Variants in CNGA3 observed in about 807,000 individuals in gnomAD.
CNGA3 encodes cyclic nucleotide-gated channel alpha-3.
A neutral mutation model predicts 46.6 loss-of-function variants in CNGA3; 42 were observed. The observed-to-expected ratio is 0.90, with a 90% CI of 0.70 to 1.17. The LOEUF (loss-of-function observed/expected upper bound fraction) is 1.17, where lower values mean the gene tolerates loss of function less well. Ranked by LOEUF, CNGA3 falls within the 50% of genes most tolerant of loss-of-function variation. The pLI is 0.00. For missense variants in CNGA3, 893 were observed against 890.7 expected, an observed-to-expected ratio of 1.00 and a Z score of -0.03; for synonymous variants, 394 against 369.4, an observed-to-expected ratio of 1.07 and a Z score of -0.76.
Position 98,396,284 on chromosome 2 carries a change from C to T in CNGA3, c.1114C>T (p.Pro372Ser), listed in dbSNP as rs1464167194. 11 of 1,610,996 alleles carry T rather than the reference C, an allele frequency of 6.8e-6. No individual in the cohort carries two copies. Among genetic ancestry groups the T allele is most frequent in the Admixed American group, 3.3e-5 (2 of 59,826 alleles). Residue 372 changes from proline to serine, a missense_variant, in exon 8 of 8, where the codon CCC becomes TCC. Transcript: ENST00000272602. ...TLTTIGETPP[P>S]VKDEEYLFVV... ...TACCACCATTGGTGAGACCCCACCC[C>T]CCGTGAAAGATGAGGAGTATCTCTT...
intron 1 of CNGA3, among the ~76,000 whole-genome samples, chr2:98,359,567 G>T (rs1182783674): frequency 1.3e-5 from 2 of 152,206 alleles, no homozygotes; most frequent in African/African-American, 4.8e-5. Context: ...GGTTCAAACC[G>T]AGAGTACTCA....
chr2:98,367,191 T>C (rs1285147407), intron 1 of CNGA3, among the ~76,000 whole-genome samples: 4 of 143,764 alleles, frequency 2.8e-5, no homozygotes, highest in South Asian at 2.2e-4. Flanking sequence ...TTTTCTTTTT[T>C]TTTTTTTTTT....
chr2:98,383,518 T>C, intron 5 of CNGA3, 77 bp downstream of exon 5: 1 of 1,378,168 alleles, frequency 7.3e-7, no homozygotes, highest in Non-Finnish European at 1.0e-6. Flanking sequence ...GCTTGGCCTC[T>C]CTCCTTAGTG....
intron 2 of CNGA3, among the ~76,000 whole-genome samples, chr2:98,375,352 G>C (rs1453035496): frequency 6.6e-6 from 1 of 152,190 alleles, no homozygotes; most frequent in African/African-American, 2.4e-5. Context: ...TCCATCCTTG[G>C]GATTGCCTCC....
intron 5 of CNGA3, among the ~76,000 whole-genome samples, chr2:98,389,427 C>T (rs1033492923): frequency 1.3e-5 from 2 of 152,168 alleles, no homozygotes; most frequent in Admixed American, 6.5e-5. Context: ...TATAGTCGAC[C>T]GTGACCTCCT....
chr2:98,381,644 G>A (rs568404987), intron 4 of CNGA3, among the ~76,000 whole-genome samples: 10 of 152,234 alleles, frequency 6.6e-5, no homozygotes, highest in East Asian at 3.9e-4. Context: ...TAGGAGACCC[G>A]GGGAAAGGTG....
chr2:98,368,124 C>T (rs1443900060), intron 1 of CNGA3, among the ~76,000 whole-genome samples: 1 of 152,168 alleles, frequency 6.6e-6, no homozygotes, highest in Non-Finnish European at 1.5e-5. Context: ...ATTGAGAAAA[C>T]CAGAATATTT....
intron 3 of CNGA3, 92 bp from the exon 4 acceptor site, chr2:98,380,083 G>C: frequency 7.0e-7 from 1 of 1,425,270 alleles, no homozygotes; most frequent in East Asian, 2.3e-5. Context: ...AGACAGAGAG[G>C]GAGGGAGAAA....
intron 1 of CNGA3, among the ~76,000 whole-genome samples, chr2:98,360,252 G>A (rs1347439723): frequency 6.6e-6 from 1 of 152,230 alleles, no homozygotes; most frequent in Non-Finnish European, 1.5e-5. Flanking sequence ...GCACTCACCT[G>A]TGGCTGGCAC....
Position 98,391,960 on chromosome 2 carries a change from A to G in CNGA3, c.663A>G (p.Arg221=). ...TGTATGTCTTGGATGTGCTTGTACG[A>G]GCTCGGACAGGTGAGTGTGCCCCAG... ...DVLYVLDVLV[R]ARTGFLEQGL... Residue 221 remains arginine, a synonymous_variant, in exon 7 of 8, where the codon CGA becomes CGG. Coordinates refer to ENST00000272602, the MANE Select transcript of CNGA3 (RefSeq NM_001298.3). 1 of 1,613,818 alleles carries G rather than the reference A, an allele frequency of 6.2e-7. No homozygotes were observed. Among genetic ancestry groups the G allele is most frequent in the Non-Finnish European group, 8.5e-7 (1 of 1,179,942 alleles).
At chr2:98,346,740 C>T (rs1322790380) in intron 1 of CNGA3, among the ~76,000 whole-genome samples, 1 of 152,072 alleles carries the variant, frequency 6.6e-6, no homozygotes, top group Non-Finnish European at 1.5e-5. Flanking sequence ...AAAGGATCGG[C>T]TACGGCCTCG....
chr2:98,377,612 G>C lies in CNGA3; in HGVS notation c.102-75G>C, dbSNP rs527554090. The C allele has an allele frequency of 1.4e-5, 19 of 1,385,340 alleles. No homozygotes were observed. In the East Asian group the frequency reaches 2.0e-4, roughly 14 times the overall value. The allele number at this position is 1,385,340 out of a possible 1,614,324, so 85.8% of individuals were successfully genotyped here. On this transcript the variant is annotated intron_variant, in intron 2 of 7. Transcript: ENST00000272602. ...TCCCTGCTAAGCAGAACATCTGACT[G>C]TCTCACTCCTGGCTGTGTCCAGGAG... is the stretch of plus-strand genomic sequence containing the variant.
intron 1 of CNGA3, among the ~76,000 whole-genome samples, chr2:98,369,176 G>C (rs11684812): frequency 0.14 from 21,087 of 152,214 alleles, 2,065 homozygotes; most frequent in Non-Finnish European, 0.2. Context: ...TTCGGCCTAC[G>C]CCCAGGAATG....
chr2:98,358,655 C>A (rs1480247586), intron 1 of CNGA3, among the ~76,000 whole-genome samples: 1 of 152,124 alleles, frequency 6.6e-6, no homozygotes, highest in Non-Finnish European at 1.5e-5. Context: ...GAAGATATAA[C>A]AACCAATCAA....
intron 1 of CNGA3, among the ~76,000 whole-genome samples, chr2:98,353,993 A>T (rs1370267010): frequency 6.6e-6 from 1 of 152,224 alleles, no homozygotes; most frequent in Non-Finnish European, 1.5e-5. Flanking sequence ...ACTATGAGCC[A>T]ATTACTCCCA....
chr2:98,370,131 C>G, intron 2 of CNGA3, 55 bp downstream of exon 2: 1 of 1,386,272 alleles, frequency 7.2e-7, no homozygotes, highest in Non-Finnish European at 1.0e-6. Context: ...GTCATTTCCA[C>G]AGCTGATCTA....
intron 2 of CNGA3, among the ~76,000 whole-genome samples, chr2:98,374,861 C>A (rs748769489): frequency 2.0e-5 from 3 of 152,272 alleles, no homozygotes; most frequent in Non-Finnish European, 4.4e-5. Context: ...GAACTTGCAT[C>A]ATGTAAGGAT....
intron 1 of CNGA3, among the ~76,000 whole-genome samples, chr2:98,368,881 G>A (rs1692223037): frequency 6.6e-6 from 1 of 152,210 alleles, no homozygotes; most frequent in South Asian, 2.1e-4. Context: ...CACAGAACTG[G>A]TTGGTAGGTC....
intron 2 of CNGA3, among the ~76,000 whole-genome samples, chr2:98,376,462 T>C (rs999113186): frequency 6.6e-6 from 1 of 151,704 alleles, no homozygotes; most frequent in Non-Finnish European, 1.5e-5. Flanking sequence ...ACAGCCTCAA[T>C]GTGGGGAGGC....
Sources: allele counts gnomAD v4.1 joint callset (sites outside exome capture counted in the v4.1 genomes callset), GRCh38; gene constraint gnomAD v4.1.1; transcripts MANE v1.5; gene names NCBI Gene and HGNC (gene_info 2026-07-23, HGNC 2026-07-21).